The following SH3GL2 variants were observed in gnomAD, a reference collection of about 807,000 sequenced individuals.
The protein encoded by SH3GL2 is endophilin-A1.
Under a neutral mutation model 46.0 loss-of-function variants are expected in SH3GL2, and 24 were observed. The observed-to-expected ratio is 0.52, with a 90% CI of 0.38 to 0.73. SH3GL2 has a LOEUF of 0.73. Among genes scored for constraint, SH3GL2 ranks in the 30% least tolerant of loss-of-function variants. The pLI, the probability that SH3GL2 is intolerant of heterozygous loss-of-function variation, is 0.00. For synonymous variants in SH3GL2, 196 were observed against 147.1 expected, an observed-to-expected ratio of 1.33 and a Z score of -2.40; for missense variants, 413 against 424.2, an observed-to-expected ratio of 0.97 and a Z score of 0.23.
At chr9:17,590,449 A>G (rs1340748279) in intron 1 of SH3GL2, 1 of 152,052 alleles carries the variant, frequency 6.6e-6, no homozygotes, top group Non-Finnish European at 1.5e-5. Context: ...CTCCCATTTC[A>G]CTTTTTAGTT....
intron 1 of SH3GL2, among the ~76,000 whole-genome samples, chr9:17,687,837 T>C (rs1427283207): frequency 6.6e-6 from 1 of 152,060 alleles, no homozygotes; most frequent in African/African-American, 2.4e-5. Flanking sequence ...AGACCACTTA[T>C]TATCTGAGGC....
At chr9:17,624,220 T>G (rs1392775959) in intron 1 of SH3GL2, among the ~76,000 whole-genome samples, 1 of 152,218 alleles carries the variant, frequency 6.6e-6, no homozygotes, top group Non-Finnish European at 1.5e-5. Flanking sequence ...TGCAGGCACC[T>G]TATGCCCATC....
At chr9:17,715,584 G>A (rs1821733745) in intron 1 of SH3GL2, among the ~76,000 whole-genome samples, 2 of 151,464 alleles carry the variant, frequency 1.3e-5, no homozygotes, top group African/African-American at 4.8e-5. Context: ...CATTTTTCCT[G>A]CAAGACCTCC....
chr9:17,763,490 G>A (rs756991929), intron 3 of SH3GL2, among the ~76,000 whole-genome samples: 2 of 152,162 alleles, frequency 1.3e-5, no homozygotes, highest in Non-Finnish European at 2.9e-5. Flanking sequence ...CGTGAAGAAT[G>A]AGAAGAGGTT....
At chr9:17,693,227 G>A (rs1821125778) in intron 1 of SH3GL2, among the ~76,000 whole-genome samples, 1 of 152,164 alleles carries the variant, frequency 6.6e-6, no homozygotes, top group African/African-American at 2.4e-5. Context: ...AAAACGTTAT[G>A]TTTGGACACA....
chr9:17,789,702 C>T, intron 6 of SH3GL2, 152 bp downstream of exon 6: 1 of 1,388,360 alleles, frequency 7.2e-7, no homozygotes, highest in Non-Finnish European at 9.4e-7. Context: ...AATTGTCAGT[C>T]ATAAAGTAGA....
At chr9:17,613,610 C>T (rs1269417835) in intron 1 of SH3GL2, among the ~76,000 whole-genome samples, 1 of 152,128 alleles carries the variant, frequency 6.6e-6, no homozygotes, top group African/African-American at 2.4e-5. Flanking sequence ...AATGTGTTTT[C>T]CTCTAGTTAC....
intron 1 of SH3GL2, among the ~76,000 whole-genome samples, chr9:17,617,591 T>C (rs1246135566): frequency 6.6e-6 from 1 of 152,214 alleles, no homozygotes; most frequent in African/African-American, 2.4e-5. Context: ...GAGTATCACA[T>C]ATTTGAAGAT....
chr9:17,731,457 CAGAG>C (rs372121624), intron 1 of SH3GL2, among the ~76,000 whole-genome samples: 7 of 149,098 alleles, frequency 4.7e-5, no homozygotes, highest in South Asian at 4.2e-4. Flanking sequence ...GAGAGACAGA[CAGAG>C]AGAGAGAGAG....
At chr9:17,587,030 C>G (rs570802450) in intron 1 of SH3GL2, among the ~76,000 whole-genome samples, 1 of 152,052 alleles carries the variant, frequency 6.6e-6, no homozygotes, top group Non-Finnish European at 1.5e-5. Flanking sequence ...GGCAAAACCT[C>G]GTCTCTACTA....
At chr9:17,660,085 G>C (rs1039642722) in intron 1 of SH3GL2, among the ~76,000 whole-genome samples, 29 of 152,304 alleles carry the variant, frequency 1.9e-4, no homozygotes, top group African/African-American at 5.8e-4. Flanking sequence ...AGTTAGAGTT[G>C]CCTCATCCAG....
intron 1 of SH3GL2, among the ~76,000 whole-genome samples, chr9:17,682,514 C>G (rs1820798676): frequency 1.3e-5 from 2 of 151,870 alleles, no homozygotes; most frequent in African/African-American, 4.8e-5. Flanking sequence ...TAGAGAACAC[C>G]TGGACACAGG....
chr9:17,663,252 G>T (rs1820266416), intron 1 of SH3GL2, among the ~76,000 whole-genome samples: 3 of 152,170 alleles, frequency 2.0e-5, no homozygotes, highest in Admixed American at 2.0e-4. Flanking sequence ...TTTAGTTGTT[G>T]ATTTTAGTAT....
chr9:17,793,737 T>G (rs991196839), intron 8 of SH3GL2, among the ~76,000 whole-genome samples: 2 of 152,260 alleles, frequency 1.3e-5, no homozygotes, highest in Non-Finnish European at 2.9e-5. Context: ...TATCCCATTT[T>G]CTCTGTCAAT....
At chr9:17,717,314 A>G (rs1821787885) in intron 1 of SH3GL2, among the ~76,000 whole-genome samples, 1 of 152,098 alleles carries the variant, frequency 6.6e-6, no homozygotes, top group Non-Finnish European at 1.5e-5. Flanking sequence ...TCATCATTCG[A>G]AACATCTTTT....
chr9:17,680,152 T>A (rs1820729944), intron 1 of SH3GL2, among the ~76,000 whole-genome samples: 1 of 152,118 alleles, frequency 6.6e-6, no homozygotes, highest in Admixed American at 6.6e-5. Context: ...ATAAAATGAG[T>A]TAGGGAGGAT....
chr9:17,719,229 T>C (rs970675340), intron 1 of SH3GL2, among the ~76,000 whole-genome samples: 1 of 152,176 alleles, frequency 6.6e-6, no homozygotes. Context: ...TTAGCATTAA[T>C]TGTGCCAATA....
intron 2 of SH3GL2, among the ~76,000 whole-genome samples, chr9:17,760,737 A>T (rs911914466): frequency 6.6e-6 from 1 of 152,188 alleles, no homozygotes; most frequent in Non-Finnish European, 1.5e-5. Context: ...AGGCCCACAG[A>T]TGCTGATAAG....
At chr9:17,678,256 G>A (rs1310918175) in intron 1 of SH3GL2, among the ~76,000 whole-genome samples, 1 of 151,924 alleles carries the variant, frequency 6.6e-6, no homozygotes, top group Non-Finnish European at 1.5e-5. Flanking sequence ...CACCAACAGT[G>A]TAAAAGCGTT....
Sources: gnomAD v4.1 joint callset for allele counts (sites outside exome capture counted in the v4.1 genomes callset) on GRCh38, gnomAD v4.1.1 for gene constraint, MANE v1.5 for transcripts, NCBI Gene and HGNC (gene_info 2026-07-23, HGNC 2026-07-21) for gene names.